FA2H: variants seen among roughly 807,000 people sequenced by gnomAD.
The protein encoded by FA2H is fatty acid 2-hydroxylase.
A neutral mutation model predicts 44.9 loss-of-function variants in FA2H; 22 were observed. The ratio of observed to expected loss-of-function variants is 0.49; its 90% CI spans 0.35 to 0.70. The LOEUF (loss-of-function observed/expected upper bound fraction) is 0.70. FA2H is among the 30% of genes least tolerant of loss of function. FA2H has a pLI of 0.01. For synonymous variants in FA2H, 243 were observed against 213.2 expected, an observed-to-expected ratio of 1.14 and a Z score of -1.22; for missense variants, 501 against 504.9, an observed-to-expected ratio of 0.99 and a Z score of 0.07.
At chr16:74,773,127 C>T (rs564305512) in intron 1 of FA2H, among the ~76,000 whole-genome samples, 40 of 152,264 alleles carry the variant, frequency 2.6e-4, no homozygotes, top group African/African-American at 7.0e-4. Context: ...CCTCTTACCT[C>T]GGCCTCCCAA....
At chr16:74,761,368 G>C (rs371108394) in intron 1 of FA2H, among the ~76,000 whole-genome samples, 1 of 151,758 alleles carries the variant, frequency 6.6e-6, no homozygotes, top group African/African-American at 2.4e-5. Flanking sequence ...CTGGAGAATC[G>C]CTTGGATCAG....
intron 2 of FA2H, among the ~76,000 whole-genome samples, chr16:74,738,085 G>A (rs532053278): frequency 1.1e-4 from 16 of 152,332 alleles, no homozygotes; most frequent in Non-Finnish European, 1.2e-4. Context: ...CGCTGAAGGG[G>A]TTCCCATGCA....
Position 74,719,100 on chromosome 16 carries a change from A to G in FA2H, c.674T>C (p.Leu225Pro). ...FPGLFMLGTFLWSLIEYLIHR... is the reference protein window; with the variant it reads ...FPGLFMLGTFPWSLIEYLIHR... ...GATGAGGTACTCGATGAGGCTCCAG[A>G]GGAATGTCCCCAGCATGAAGAGCCC... Residue 225 changes from leucine to proline, a missense_variant, in exon 5 of 7, where the codon CTC (leucine) becomes CCC (proline). Leu to Pro is a moderately conservative substitution (Grantham distance 98). Transcript: ENST00000219368. The G allele has an allele frequency of 6.2e-7, 1 of 1,614,030 alleles. No individual in the cohort carries two copies. The highest frequency in any genetic ancestry group is 8.5e-7 in the Non-Finnish European group (1 of 1,180,026).
At chr16:74,734,971 C>T (rs773421481) in intron 2 of FA2H, among the ~76,000 whole-genome samples, 2 of 152,234 alleles carry the variant, frequency 1.3e-5, no homozygotes, top group East Asian at 1.9e-4. Flanking sequence ...GCCGGGGCTG[C>T]GGGAGAGGAG....
chr16:74,716,396 G>A lies in FA2H; in HGVS notation c.990C>T (p.Tyr330=). Reference sequence around the variant, plus strand: ...GCTTGACGTGGTGGGCCTTCAGGCTGTACAGGTAGGAGCCCTTGTGCGGCG... The same window carrying A: ...GCTTGACGTGGTGGGCCTTCAGGCTATACAGGTAGGAGCCCTTGTGCGGCG... The part of the protein sequence containing the change: ...FGSPHKGSYL[Y]SLKAHHVKHH... The change falls in exon 6 of 7, where the codon TAC becomes TAT. Residue 330 remains tyrosine (Y), a synonymous_variant. Coordinates refer to ENST00000219368, the MANE Select transcript of FA2H (RefSeq NM_024306.5). 6.2e-7 allele frequency: 1 copy of A among 1,614,090 alleles called. No homozygotes were observed. The highest frequency in any genetic ancestry group is 1.1e-5 in the South Asian group (1 of 91,086).
chr16:74,729,004 ATTTTTTTTTTTT>A (rs35360701), intron 2 of FA2H, among the ~76,000 whole-genome samples: 2 of 38,990 alleles, frequency 5.1e-5, no homozygotes, highest in African/African-American at 2.3e-4. Flanking sequence ...GATGGTCTTG[ATTTTTTTTTTTT>A]TTTTTTTTTT....
intron 4 of FA2H, among the ~76,000 whole-genome samples, chr16:74,722,690 A>T (rs931435499): frequency 6.6e-5 from 10 of 152,140 alleles, no homozygotes; most frequent in African/African-American, 2.4e-4. Flanking sequence ...AGGTGGGCGG[A>T]TCAGCTGAGG....
intron 5 of FA2H, 66 bp downstream of exon 5, chr16:74,718,922 C>A (rs775231176): frequency 1.7e-5 from 27 of 1,576,750 alleles, no homozygotes; most frequent in African/African-American, 2.7e-5. Context: ...CCTGAAGCTG[C>A]GGCTGGCTGC....
Position 74,762,534 on chromosome 16 carries a change from G to C in FA2H, c.270+11952C>G, listed in dbSNP as rs114187372. Among the ~76,000 whole-genome samples the C allele has an allele frequency of 2.5e-3, 378 of 151,868 alleles. 2 individuals are homozygous for C. Among genetic ancestry groups the C allele is most frequent in the African/African-American group, 8.3e-3 (343 of 41,416 alleles). On this transcript the variant is annotated intron_variant, in intron 1 of 6. Coordinates refer to ENST00000219368, the MANE Select transcript of FA2H (RefSeq NM_024306.5). ...GAAATATTGGTCTTCATTTAGAATAGAGTAACTTTTTTTCAAGATGGAGTC... is the reference window on the plus strand; with the variant it reads ...GAAATATTGGTCTTCATTTAGAATACAGTAACTTTTTTTCAAGATGGAGTC...
At chr16:74,769,346 C>T (rs757542650) in intron 1 of FA2H, among the ~76,000 whole-genome samples, 2 of 152,122 alleles carry the variant, frequency 1.3e-5, no homozygotes, top group Non-Finnish European at 1.5e-5. Context: ...ACCTGCCCAC[C>T]TCAGCCTCCC....
intron 2 of FA2H, among the ~76,000 whole-genome samples, chr16:74,735,823 A>T (rs1456659963): frequency 1.3e-5 from 2 of 152,136 alleles, no homozygotes; most frequent in East Asian, 1.9e-4. Flanking sequence ...CTACAAAAAA[A>T]TTTAAGAAAA....
intron 1 of FA2H, among the ~76,000 whole-genome samples, chr16:74,769,592 G>C (rs151091202): frequency 1.3e-5 from 2 of 152,256 alleles, no homozygotes; most frequent in African/African-American, 4.8e-5. Context: ...CACCAAACTG[G>C]GGGGAAAAAA....
chr16:74,752,134 C>T lies in FA2H; in HGVS notation c.271-12019G>A, dbSNP rs531952978. Reference sequence around the variant, plus strand: ...ACGACAATTTCAAATTCTCTCCATCCTCACAGTCACCAATCCAGGCCACCC... The same window carrying T: ...ACGACAATTTCAAATTCTCTCCATCTTCACAGTCACCAATCCAGGCCACCC... On this transcript the variant is annotated intron_variant, in intron 1 of 6. Transcript: ENST00000219368. Among the ~76,000 whole-genome samples the T allele has an allele frequency of 2.0e-5, 3 of 152,288 alleles. No homozygotes were observed. The South Asian group carries it at 6.2e-4, about 32-fold the overall frequency.
At position 74,720,720 on chromosome 16, in the gene FA2H, T is replaced by C. The variant is rs115376557; in HGVS notation, c.614-1560A>G. Among the ~76,000 whole-genome samples the C allele has an allele frequency of 4.5e-3, 682 of 152,266 alleles. 6 individuals carry two copies. The highest frequency in any genetic ancestry group is 0.016 in the African/African-American group (659 of 41,562). Reference sequence around the variant, plus strand: ...CTTCCCCGCCAAGCCCCTGTACCCATTAGCAGCCACTCCCCATTTCTTCTC... The same window carrying C: ...CTTCCCCGCCAAGCCCCTGTACCCACTAGCAGCCACTCCCCATTTCTTCTC... On this transcript the variant is annotated intron_variant, in intron 4 of 6. Transcript: ENST00000219368.
intron 1 of FA2H, among the ~76,000 whole-genome samples, chr16:74,747,161 A>T (rs995188631): frequency 5.3e-5 from 8 of 152,018 alleles, no homozygotes; most frequent in Non-Finnish European, 1.2e-4. Flanking sequence ...AAATACAAAA[A>T]TTAGCCAGGC....
At chr16:74,715,740 T>G (rs2144600590) in intron 6 of FA2H, among the ~76,000 whole-genome samples, 1 of 152,304 alleles carries the variant, frequency 6.6e-6, no homozygotes, top group Non-Finnish European at 1.5e-5. Context: ...CCACATAATA[T>G]GTCAGTGGAA....
intron 2 of FA2H, among the ~76,000 whole-genome samples, chr16:74,727,658 C>T (rs910100924): frequency 3.3e-5 from 5 of 152,210 alleles, no homozygotes; most frequent in Admixed American, 6.5e-5. Context: ...GGTGCTAAAT[C>T]GGCAGGGCAT....
intron 1 of FA2H, among the ~76,000 whole-genome samples, chr16:74,748,148 GC>G (rs1301366305): frequency 9.8e-5 from 15 of 152,366 alleles, no homozygotes; most frequent in African/African-American, 3.1e-4. Context: ...GCCCACTGCT[GC>G]CCATCTGCAG....
intron 1 of FA2H, among the ~76,000 whole-genome samples, chr16:74,762,594 G>C (rs192907513): frequency 3.5e-4 from 53 of 152,244 alleles, no homozygotes; most frequent in Middle Eastern, 3.4e-3. Flanking sequence ...GCAGTGGCAC[G>C]ATCTTGGCTC....
Sources: allele counts gnomAD v4.1 joint callset (sites outside exome capture counted in the v4.1 genomes callset), GRCh38; gene constraint gnomAD v4.1.1; transcripts MANE v1.5; gene names NCBI Gene and HGNC (gene_info 2026-07-23, HGNC 2026-07-21).